CCDC88A: variants seen among roughly 807,000 people sequenced by gnomAD.
The protein encoded by CCDC88A is coiled-coil and HOOK domain protein 88A.
Under a neutral mutation model 234.3 loss-of-function variants are expected in CCDC88A, and 54 were observed. The observed-to-expected ratio is 0.23, with a 90% CI of 0.19 to 0.29. The LOEUF (loss-of-function observed/expected upper bound fraction) is 0.29, where lower values mean the gene tolerates loss of function less well. CCDC88A is among the 10% of genes least tolerant of loss of function. The pLI is 1.00. For missense variants in CCDC88A, 1,832 were observed against 2,123.4 expected, an observed-to-expected ratio of 0.86 and a Z score of 2.70; for synonymous variants, 753 against 737.8, an observed-to-expected ratio of 1.02 and a Z score of -0.33.
intron 17 of CCDC88A, among the ~76,000 whole-genome samples, chr2:55,326,500 C>A (rs571871692): frequency 6.6e-5 from 10 of 152,280 alleles, no homozygotes; most frequent in Admixed American, 6.5e-4. Flanking sequence ...AATATAAATT[C>A]AGTTGAATAC....
intron 2 of CCDC88A, among the ~76,000 whole-genome samples, chr2:55,408,168 C>G (rs1158565714): frequency 4.6e-5 from 7 of 152,162 alleles, no homozygotes; most frequent in Middle Eastern, 6.8e-3. Context: ...ACTGTCTAAT[C>G]TTGGTCCTAA....
Position 55,309,856 on chromosome 2 carries a change from AGG to A in CCDC88A, c.4080-604_4080-603del, listed in dbSNP as rs1682110288. ...TAATAAATAGCTTTGTTTACAATAT[AGG>A]AGAGAAGATATATCCATAAATTAAT... On this transcript the variant is annotated intron_variant, in intron 23 of 32. Transcript: ENST00000436346. This position sits in a 1 kb window ranked among gnomAD's most constrained non-coding sequence, Gnocchi z 5.1. 6.6e-6 allele frequency among the ~76,000 whole-genome samples: 1 copy of A among 152,186 alleles called. No individual in the cohort carries two copies. The highest frequency in any genetic ancestry group is 2.4e-5 in the African/African-American group (1 of 41,440).
At chr2:55,406,680 T>C (rs1024261611) in intron 2 of CCDC88A, among the ~76,000 whole-genome samples, 5 of 151,940 alleles carry the variant, frequency 3.3e-5, no homozygotes, top group African/African-American at 9.7e-5. Flanking sequence ...AATCTCTTGA[T>C]CCCAGGAGGC....
At position 55,291,660 on chromosome 2, in the gene CCDC88A, T is replaced by G; in HGVS notation, c.*35+16A>C. ...AATGAGACTAATCTCATTTACATTT[T>G]AAGCAGGAAACTCACCACTTGGCCC... On this transcript the variant is annotated intron_variant, in intron 32 of 32. Transcript: ENST00000436346. 1 of 1,178,946 alleles carries G rather than the reference T, an allele frequency of 8.5e-7. No individual in the cohort carries two copies. The highest frequency in any genetic ancestry group is 1.2e-6 in the Non-Finnish European group (1 of 807,340). The allele number at this position is 1,178,946 out of a possible 1,614,324, so 73.0% of individuals were successfully genotyped here.
chr2:55,305,889 A>T (rs1369647072), intron 25 of CCDC88A, among the ~76,000 whole-genome samples: 8 of 152,028 alleles, frequency 5.3e-5, no homozygotes, highest in Non-Finnish European at 1.2e-4. Flanking sequence ...TTAAAAAAAA[A>T]ATTAAGTATA....
chr2:55,343,883 C>G, intron 11 of CCDC88A, 91 bp from the exon 12 acceptor site: 1 of 1,058,350 alleles, frequency 9.4e-7, no homozygotes, highest in Non-Finnish European at 1.3e-6. Flanking sequence ...TTTTATTTAT[C>G]AGAAACTCAG....
intron 4 of CCDC88A, among the ~76,000 whole-genome samples, chr2:55,374,458 T>C (rs1227932736): frequency 6.6e-6 from 1 of 152,182 alleles, no homozygotes; most frequent in African/African-American, 2.4e-5. Context: ...GATATATGAA[T>C]AGAAACCTGG....
chr2:55,410,049 C>T (rs1483065712), intron 2 of CCDC88A, among the ~76,000 whole-genome samples: 1 of 152,014 alleles, frequency 6.6e-6, no homozygotes, highest in East Asian at 1.9e-4. Context: ...CCTACCTCCC[C>T]ACTTTTAAAT....
intron 2 of CCDC88A, among the ~76,000 whole-genome samples, chr2:55,391,060 A>G (rs1403270078): frequency 6.6e-6 from 1 of 152,260 alleles, no homozygotes; most frequent in Non-Finnish European, 1.5e-5. Flanking sequence ...AAGGCTAAGC[A>G]AAGATCAAAT....
intron 2 of CCDC88A, among the ~76,000 whole-genome samples, chr2:55,396,736 G>A (rs1296525151): frequency 6.6e-6 from 1 of 151,858 alleles, no homozygotes; most frequent in Non-Finnish European, 1.5e-5. Context: ...CAGGCGTGGT[G>A]GCAGGCACCT....
intron 2 of CCDC88A, among the ~76,000 whole-genome samples, chr2:55,393,396 T>C (rs1677014945): frequency 6.9e-6 from 1 of 144,152 alleles, no homozygotes; most frequent in Non-Finnish European, 1.5e-5. Context: ...GTTCAGGTGA[T>C]TCTCATGTCT....
rs367582957 is a variant in CCDC88A, at chr2:55,295,651, T to C, written c.5497A>G (p.Ile1833Val). 65 of 1,614,112 alleles carry C rather than the reference T, an allele frequency of 4.0e-5. No homozygotes were observed. The highest frequency in any genetic ancestry group is 1.8e-4 in the South Asian group (16 of 91,086). ...GCAGCTGGTGGTGAATCAACTGATATAGGCAGTCTACTGTCCTTGGTCAAA... is the reference window on the plus strand; with the variant it reads ...GCAGCTGGTGGTGAATCAACTGATACAGGCAGTCTACTGTCCTTGGTCAAA... ...DFLTKDSRLPISVDSPPAAAD... is the reference protein window; with the variant it reads ...DFLTKDSRLPVSVDSPPAAAD... The change falls in exon 31 of 33, where the codon ATA (isoleucine) becomes GTA (valine). Residue 1833 changes from isoleucine (I) to valine (V), a missense_variant. Transcript: ENST00000436346.
chr2:55,309,285 G>C lies in CCDC88A; in HGVS notation c.4080-31C>G, dbSNP rs528459080. The C allele has an allele frequency of 9.9e-7, 1 of 1,007,382 alleles. No homozygotes were observed. The highest frequency in any genetic ancestry group is 2.1e-5 in the Admixed American group (1 of 48,770). The allele number at this position is 1,007,382 out of a possible 1,614,324, so 62.4% of individuals were successfully genotyped here. A position where few individuals can be genotyped will look rare whatever the true frequency, so the allele number is the denominator to read the frequency against. ...AAATAAAAATTACCTTTTAGGACAG[G>C]CATCATATTTTGTACAGCTATGAAT... On this transcript the variant is annotated intron_variant, in intron 23 of 32. Transcript: ENST00000436346. This position sits in a 1 kb window ranked among gnomAD's most constrained non-coding sequence, Gnocchi z 5.1.
At position 55,388,681 on chromosome 2, in the gene CCDC88A, A is replaced by AT. The variant is rs1479965990; in HGVS notation, c.273+96dup. On this transcript the variant is annotated intron_variant, in intron 3 of 32. Coordinates refer to ENST00000436346, the MANE Select transcript of CCDC88A (RefSeq NM_001365480.1). Reference sequence around the variant, plus strand: ...TAGCAAATAGATCAGAACCTAGCATATAATAAGCGTTTAAATATTTGTGAG... The same window carrying AT: ...TAGCAAATAGATCAGAACCTAGCATATTAATAAGCGTTTAAATATTTGTGAG... The AT allele has an allele frequency of 2.5e-5, 15 of 597,224 alleles. No homozygotes were observed. In the East Asian group the frequency reaches 4.6e-4, roughly 18 times the overall value. The allele number at this position is 597,224 out of a possible 1,614,324, so 37.0% of individuals were successfully genotyped here. A position where few individuals can be genotyped will look rare whatever the true frequency, so the allele number is the denominator to read the frequency against.
chr2:55,309,286 C>T lies in CCDC88A; in HGVS notation c.4080-32G>A, dbSNP rs1482883664. On this transcript the variant is annotated intron_variant, in intron 23 of 32. Transcript: ENST00000436346. This position sits in a 1 kb window ranked among gnomAD's most constrained non-coding sequence, Gnocchi z 5.1. ...AATAAAAATTACCTTTTAGGACAGGCATCATATTTTGTACAGCTATGAATA... is the reference window on the plus strand; with the variant it reads ...AATAAAAATTACCTTTTAGGACAGGTATCATATTTTGTACAGCTATGAATA... The T allele has an allele frequency of 1.0e-6, 1 of 1,001,702 alleles. No homozygotes were observed. Among genetic ancestry groups the T allele is most frequent in the African/African-American group, 1.6e-5 (1 of 62,084 alleles). The allele number at this position is 1,001,702 out of a possible 1,614,324, so 62.1% of individuals were successfully genotyped here. A position where few individuals can be genotyped will look rare whatever the true frequency, so the allele number is the denominator to read the frequency against.
intron 27 of CCDC88A, 45 bp downstream of exon 27, chr2:55,301,827 G>A (rs376309913): frequency 6.6e-7 from 1 of 1,521,750 alleles, no homozygotes; most frequent in East Asian, 2.3e-5. Flanking sequence ...TAAAATTCTT[G>A]TTGCCAACAA....
intron 9 of CCDC88A, among the ~76,000 whole-genome samples, chr2:55,346,923 T>C (rs1320969380): frequency 6.6e-6 from 1 of 152,172 alleles, no homozygotes; most frequent in African/African-American, 2.4e-5. Context: ...TGCTCATATT[T>C]TTTAAATATC....
At chr2:55,381,808 G>A (rs183885720) in intron 3 of CCDC88A, among the ~76,000 whole-genome samples, 28 of 152,204 alleles carry the variant, frequency 1.8e-4, no homozygotes, top group Admixed American at 1.8e-3. Context: ...TCGCTTTCCT[G>A]AATCACCACA....
At chr2:55,399,600 T>A (rs1219843373) in intron 2 of CCDC88A, 1 of 152,112 alleles carries the variant, frequency 6.6e-6, no homozygotes, top group African/African-American at 2.4e-5. Context: ...AGAGAATTTT[T>A]GTTTGTCACT....
Sources: gnomAD v4.1 joint callset for allele counts (sites outside exome capture counted in the v4.1 genomes callset) on GRCh38, gnomAD v4.1.1 for gene constraint, Gnocchi (gnomAD v3.1) non-coding constraint, MANE v1.5 for transcripts, NCBI Gene and HGNC (gene_info 2026-07-23, HGNC 2026-07-21) for gene names.